Variants in TNNT3 observed in about 807,000 individuals in gnomAD.
The protein encoded by TNNT3 is troponin T, fast skeletal muscle.
TNNT3 carries 36 observed loss-of-function variants against 54.2 expected under a neutral mutation model. The ratio of observed to expected loss-of-function variants is 0.66; its 90% CI spans 0.51 to 0.88. TNNT3 has a LOEUF of 0.88. TNNT3 is among the 40% of genes least tolerant of loss of function. The pLI is 0.00. For synonymous variants in TNNT3, 120 were observed against 109.7 expected (o/e 1.09, Z -0.59); for missense variants, 291 against 331.6 (o/e 0.88, Z 0.95).
intron 5 of TNNT3, chr11:1,925,400 C>G (rs1191250620): frequency 9.3e-7 from 1 of 1,072,842 alleles, no homozygotes; most frequent in East Asian, 2.6e-5. Flanking sequence ...CAAGGGGCCC[C>G]CACATGTGGC....
At chr11:1,934,755 G>A in intron 13 of TNNT3, 74 bp from the exon 14 acceptor site, 3 of 1,594,570 alleles carry the variant, frequency 1.9e-6, no homozygotes, top group Admixed American at 1.7e-5. Context: ...CCCAGTGGCT[G>A]CAGGAGGACT....
At chr11:1,925,888 C>T (rs1014120200) in intron 5 of TNNT3, among the ~76,000 whole-genome samples, 1 of 152,186 alleles carries the variant, frequency 6.6e-6, no homozygotes, top group Non-Finnish European at 1.5e-5. Context: ...TCACTGGTGC[C>T]CAGGGCTGCC....
chr11:1,923,427 C>A (rs1850625029), intron 3 of TNNT3, 128 bp from the exon 4 acceptor site: 1 of 1,034,696 alleles, frequency 9.7e-7, no homozygotes, highest in East Asian at 2.4e-5. Flanking sequence ...ACCCCTGATT[C>A]CACGCTCTTG....
At chr11:1,932,614 G>A in intron 9 of TNNT3, 100 bp downstream of exon 9, 1 of 1,218,180 alleles carries the variant, frequency 8.2e-7, no homozygotes, top group South Asian at 1.2e-5. Context: ...AGTAGCCAGA[G>A]CCGGGGCCTC....
chr11:1,935,434 A>G lies in TNNT3; in HGVS notation c.681+515A>G, dbSNP rs1160675362. The G allele has an allele frequency of 1.7e-5, 4 of 229,784 alleles. No homozygotes were observed. The East Asian group carries it at 3.2e-4, about 18-fold the overall frequency. 14.2% of individuals were successfully genotyped at this position (229,784 alleles called of 1,614,324 possible). A position where few individuals can be genotyped will look rare whatever the true frequency, so the allele number is the denominator to read the frequency against. Reference sequence around the variant, plus strand: ...TGACACACTGCACCCTGTGGCTGGGAAAAGGGGCCTGGGACTGTGCCCGTC... The same window carrying G: ...TGACACACTGCACCCTGTGGCTGGGGAAAGGGGCCTGGGACTGTGCCCGTC... On this transcript the variant is annotated intron_variant, in intron 14 of 15. Coordinates refer to ENST00000278317, the MANE Select transcript of TNNT3 (RefSeq NM_006757.4).
upstream of TNNT3, chr11:1,919,564 C>G (rs907513256): frequency 1.2e-4 from 19 of 152,532 alleles, no homozygotes; most frequent in South Asian, 4.1e-4. Context: ...TCTGGCCATT[C>G]CTATACTTGG....
At chr11:1,930,184 G>C (rs1413325484) in intron 8 of TNNT3, among the ~76,000 whole-genome samples, 5 of 152,188 alleles carry the variant, frequency 3.3e-5, no homozygotes, top group Admixed American at 1.3e-4. Flanking sequence ...AGACGAGGAA[G>C]GAGGGAGGAG....
At chr11:1,935,015 C>A (rs1028663527) in intron 14 of TNNT3, 96 bp downstream of exon 14, 1 of 1,209,006 alleles carries the variant, frequency 8.3e-7, no homozygotes, top group Non-Finnish European at 1.2e-6. Context: ...CTGGACCTGC[C>A]CACCCCAGGG....
intron 9 of TNNT3, among the ~76,000 whole-genome samples, 175 bp downstream of exon 9, chr11:1,932,689 A>G (rs1048677918): frequency 2.0e-5 from 3 of 151,974 alleles, no homozygotes; most frequent in African/African-American, 4.8e-5. Flanking sequence ...AAGAATAAGC[A>G]TCTCTCTTCC....
intron 8 of TNNT3, among the ~76,000 whole-genome samples, chr11:1,931,001 C>T (rs955934983): frequency 3.3e-5 from 5 of 152,050 alleles, no homozygotes; most frequent in Admixed American, 6.5e-5. Context: ...CCATGCATAG[C>T]GCTTGGAAAA....
intron 1 of TNNT3, among the ~76,000 whole-genome samples, chr11:1,922,085 C>A (rs1207356576): frequency 1.3e-5 from 2 of 152,098 alleles, no homozygotes; most frequent in Non-Finnish European, 2.9e-5. Flanking sequence ...TCCAAGTATG[C>A]CTTGTACAGA....
chr11:1,922,224 G>A (rs1850275491), intron 1 of TNNT3, among the ~76,000 whole-genome samples: 1 of 152,180 alleles, frequency 6.6e-6, no homozygotes, highest in Non-Finnish European at 1.5e-5. Context: ...GATCTTGGAG[G>A]AGGGGTCCTC....
intron 5 of TNNT3, chr11:1,926,405 G>C (rs570383622): frequency 2.5e-6 from 4 of 1,603,940 alleles, no homozygotes; most frequent in Admixed American, 3.3e-5. Flanking sequence ...AACCTCGGAC[G>C]CTTCTCCATT....
intron 8 of TNNT3, among the ~76,000 whole-genome samples, chr11:1,932,198 A>C (rs1274062614): frequency 1.3e-5 from 2 of 152,250 alleles, no homozygotes. Flanking sequence ...GCTGGGGTGC[A>C]GTGACATTGC....
chr11:1,923,155 T>C, intron 3 of TNNT3, 94 bp downstream of exon 3: 2 of 1,538,314 alleles, frequency 1.3e-6, no homozygotes, highest in Non-Finnish European at 1.8e-6. Flanking sequence ...CTGTGTCCCC[T>C]TGACAGCCCT....
At chr11:1,920,791 T>G (rs1169715282) in intron 1 of TNNT3, among the ~76,000 whole-genome samples, 1 of 152,128 alleles carries the variant, frequency 6.6e-6, no homozygotes, top group Non-Finnish European at 1.5e-5. Context: ...TCTCAGCTGT[T>G]GAAATGCCAT....
At chr11:1,929,629 G>A (rs796779833) in intron 7 of TNNT3, among the ~76,000 whole-genome samples, 181 bp from the exon 8 acceptor site, 10 of 152,352 alleles carry the variant, frequency 6.6e-5, no homozygotes, top group African/African-American at 1.9e-4. Context: ...GCTTTTGCAG[G>A]CCTAGAGCAG....
At chr11:1,928,506 G>A (rs1465203387) in intron 6 of TNNT3, among the ~76,000 whole-genome samples, 1 of 152,180 alleles carries the variant, frequency 6.6e-6, no homozygotes, top group Non-Finnish European at 1.5e-5. Context: ...GTGCGCCTGG[G>A]CTCCTGGCCT....
chr11:1,923,096 C>T (rs1850512591), intron 3 of TNNT3, 35 bp downstream of exon 3: 1 of 1,613,616 alleles, frequency 6.2e-7, no homozygotes, highest in African/African-American at 1.3e-5. Context: ...CTACTTCCTG[C>T]TCTAGAAGGA....
Sources: gnomAD v4.1 joint callset for allele counts (sites outside exome capture counted in the v4.1 genomes callset) on GRCh38, gnomAD v4.1.1 for gene constraint, MANE v1.5 for transcripts, NCBI Gene and HGNC (gene_info 2026-07-23, HGNC 2026-07-21) for gene names.